The following SPIRE1 variants were observed in gnomAD, a reference collection of about 807,000 sequenced individuals.
SPIRE1 encodes protein spire homolog 1.
Under a neutral mutation model 94.1 loss-of-function variants are expected in SPIRE1, and 40 were observed. The observed-to-expected ratio is 0.43, with a 90% CI of 0.33 to 0.55. The LOEUF is 0.55. Among genes scored for constraint, SPIRE1 ranks in the 20% least tolerant of loss-of-function variants. The pLI, the probability that SPIRE1 is intolerant of heterozygous loss-of-function variation, is 0.06. For synonymous variants in SPIRE1, 376 were observed against 371.7 expected, an observed-to-expected ratio of 1.01 and a Z score of -0.13; for missense variants, 838 against 975.2, an observed-to-expected ratio of 0.86 and a Z score of 1.87.
intron 2 of SPIRE1, among the ~76,000 whole-genome samples, chr18:12,629,551 C>T (rs1466802809): frequency 6.6e-6 from 1 of 152,056 alleles, no homozygotes; most frequent in African/African-American, 2.4e-5. Flanking sequence ...GGGTCACACG[C>T]TGTTTAAATT....
intron 4 of SPIRE1, among the ~76,000 whole-genome samples, chr18:12,523,037 C>A (rs11664773): frequency 0.027 from 4,136 of 152,242 alleles, 76 homozygotes; most frequent in South Asian, 0.041. Flanking sequence ...GGGCAAAGCA[C>A]ATTGAAAACC....
At chr18:12,561,471 G>A (rs984555005) in intron 2 of SPIRE1, among the ~76,000 whole-genome samples, 1 of 151,942 alleles carries the variant, frequency 6.6e-6, no homozygotes, top group Non-Finnish European at 1.5e-5. Flanking sequence ...TCTCCATGTT[G>A]GTCAGGCTGG....
At position 12,537,912 on chromosome 18, in the gene SPIRE1, GCAA is replaced by G. The variant is rs371697454; in HGVS notation, c.604-2314_604-2312del. On this transcript the variant is annotated intron_variant, in intron 3 of 16. Coordinates refer to ENST00000409402, the MANE Select transcript of SPIRE1 (RefSeq NM_001128626.2). Reference sequence around the variant, plus strand: ...TACATTGGAAGACAATATAGTTAAGGCAACAACATTACCCAAAGTGATGAACAG... The same window carrying G: ...TACATTGGAAGACAATATAGTTAAGGCAACATTACCCAAAGTGATGAACAG... Among the ~76,000 whole-genome samples, 31 of 152,222 alleles carry G rather than the reference GCAA, an allele frequency of 2.0e-4. No homozygotes were observed. The East Asian group carries it at 6.0e-3, about 29-fold the overall frequency.
At chr18:12,465,359 G>C (rs936599969) in intron 10 of SPIRE1, among the ~76,000 whole-genome samples, 7 of 151,972 alleles carry the variant, frequency 4.6e-5, no homozygotes, top group African/African-American at 1.7e-4. Context: ...ATTTTTTGTA[G>C]AGACAGGGTC....
At chr18:12,576,693 T>G (rs544794693) in intron 2 of SPIRE1, among the ~76,000 whole-genome samples, 5 of 144,028 alleles carry the variant, frequency 3.5e-5, no homozygotes, top group African/African-American at 1.0e-4. Context: ...ATCGAGACCA[T>G]CCTGGCTAAC....
chr18:12,628,838 T>C (rs1267330136), intron 2 of SPIRE1, among the ~76,000 whole-genome samples: 2 of 152,056 alleles, frequency 1.3e-5, no homozygotes, highest in African/African-American at 4.8e-5. Flanking sequence ...ACTCATGATT[T>C]GGCTCTCTGT....
upstream of SPIRE1, among the ~76,000 whole-genome samples, chr18:12,659,930 C>T (rs45443302): frequency 3.3e-5 from 5 of 152,232 alleles, no homozygotes; most frequent in Admixed American, 2.0e-4. Flanking sequence ...CCAAATTTTG[C>T]TATTTCAAAA....
At chr18:12,551,869 A>G (rs2144321936) in intron 2 of SPIRE1, among the ~76,000 whole-genome samples, 1 of 152,194 alleles carries the variant, frequency 6.6e-6, no homozygotes, top group African/African-American at 2.4e-5. Context: ...AGACCACCGA[A>G]AGAGGCACCA....
intron 1 of SPIRE1, among the ~76,000 whole-genome samples, chr18:12,637,860 G>C (rs12454439): frequency 0.39 from 59,383 of 151,878 alleles, 12,222 homozygotes; most frequent in East Asian, 0.6. Flanking sequence ...GGGCATAAGA[G>C]TCTATAAAAT....
chr18:12,454,298 C>A, intron 13 of SPIRE1, 48 bp downstream of exon 13: 1 of 1,608,528 alleles, frequency 6.2e-7, no homozygotes, highest in Non-Finnish European at 8.5e-7. Flanking sequence ...ATGCATGGGA[C>A]TGGCCATCCT....
At chr18:12,630,098 C>T (rs1411204081) in intron 2 of SPIRE1, among the ~76,000 whole-genome samples, 1 of 152,066 alleles carries the variant, frequency 6.6e-6, no homozygotes, top group African/African-American at 2.4e-5. Context: ...ATTAAAACTA[C>T]AAAATAATTC....
rs542193798 is a variant in SPIRE1, at chr18:12,637,458, C to A, written c.338-2362G>T. ...AAGAAATCTATAAGTTTTTGTAGTA[C>A]GTTTCTTGTTGGTAGTATAAAATTC... On this transcript the variant is annotated intron_variant, in intron 1 of 16. Coordinates refer to ENST00000409402, the MANE Select transcript of SPIRE1 (RefSeq NM_001128626.2). Among the ~76,000 whole-genome samples, 3 of 151,762 alleles carry A rather than the reference C, an allele frequency of 2.0e-5. No homozygotes were observed. In the South Asian group the frequency reaches 6.3e-4, roughly 32 times the overall value.
At chr18:12,639,759 A>G (rs938473500) in intron 1 of SPIRE1, among the ~76,000 whole-genome samples, 2 of 150,252 alleles carry the variant, frequency 1.3e-5, no homozygotes, top group African/African-American at 2.5e-5. Flanking sequence ...AAATAAAAAT[A>G]AAAAAAAGAA....
intron 10 of SPIRE1, among the ~76,000 whole-genome samples, chr18:12,472,535 G>A (rs942951482): frequency 3.3e-5 from 5 of 151,556 alleles, no homozygotes; most frequent in Non-Finnish European, 7.4e-5. Flanking sequence ...GCCAGACTAA[G>A]TTCTTGTATT....
intron 13 of SPIRE1, among the ~76,000 whole-genome samples, chr18:12,453,826 C>T (rs2031371436): frequency 6.6e-6 from 1 of 152,062 alleles, no homozygotes; most frequent in African/African-American, 2.4e-5. Flanking sequence ...CACTATGTCA[C>T]CAGGCTGGAG....
chr18:12,467,639 G>A (rs1344749897), intron 10 of SPIRE1, among the ~76,000 whole-genome samples: 1 of 152,136 alleles, frequency 6.6e-6, no homozygotes, highest in African/African-American at 2.4e-5. Flanking sequence ...GTGTACTTCA[G>A]CTCACCTTCG....
At chr18:12,540,383 C>A (rs1428092709) in intron 3 of SPIRE1, among the ~76,000 whole-genome samples, 1 of 151,438 alleles carries the variant, frequency 6.6e-6, no homozygotes, top group East Asian at 1.9e-4. Context: ...TTCTCTGTTA[C>A]TTTTTTTTTG....
intron 1 of SPIRE1, among the ~76,000 whole-genome samples, chr18:12,651,922 CT>C (rs1293554369): frequency 6.6e-6 from 1 of 152,184 alleles, no homozygotes; most frequent in Non-Finnish European, 1.5e-5. Flanking sequence ...TTCATTGTTC[CT>C]TTCAGGAAAA....
At chr18:12,494,885 T>A in intron 7 of SPIRE1, among the ~76,000 whole-genome samples, 1 of 115,198 alleles carries the variant, frequency 8.7e-6, no homozygotes, top group Admixed American at 9.4e-5. Flanking sequence ...CCATCTCTAC[T>A]GAAAATACAA....
Sources: allele counts gnomAD v4.1 joint callset (sites outside exome capture counted in the v4.1 genomes callset), GRCh38; gene constraint gnomAD v4.1.1; transcripts MANE v1.5; gene names NCBI Gene and HGNC (gene_info 2026-07-23, HGNC 2026-07-21).